Variants in RELN observed in about 807,000 individuals in gnomAD.
RELN encodes reelin.
RELN carries 108 observed loss-of-function variants against 427.6 expected under a neutral mutation model. That is an observed-to-expected ratio of 0.25 (90% confidence interval 0.22 to 0.30). The LOEUF is 0.30. Ranked by LOEUF, RELN falls within the 10% of genes least tolerant of loss-of-function variation. RELN has a pLI of 1.00. For missense variants in RELN, 3,715 were observed against 4,302.8 expected (o/e 0.86, Z 3.82); for synonymous variants, 1,524 against 1,513.4 (o/e 1.01, Z -0.16).
intron 1 of RELN, among the ~76,000 whole-genome samples, chr7:103,949,356 C>T (rs1236267389): frequency 1.3e-5 from 2 of 148,762 alleles, no homozygotes; most frequent in African/African-American, 5.0e-5. Context: ...TAGTCCCCAT[C>T]CAAATTTGGA....
intron 2 of RELN, among the ~76,000 whole-genome samples, chr7:103,881,990 A>G (rs1794618354): frequency 6.6e-6 from 1 of 152,190 alleles, no homozygotes. Flanking sequence ...GAATGAATCA[A>G]TCAATCAGTC....
At chr7:103,933,360 T>A (rs1294580141) in intron 1 of RELN, among the ~76,000 whole-genome samples, 1 of 152,084 alleles carries the variant, frequency 6.6e-6, no homozygotes, top group Non-Finnish European at 1.5e-5. Context: ...CATGAGCTAA[T>A]CAAACATGAG....
Position 103,491,982 on chromosome 7 carries a change from G to T in RELN, c.9414C>A (p.Ser3138=). ...CATCCTTAGTGTATTCCAGCATTACGGAATGAAGGTCACCACAAGAAGTGG... is the reference window on the plus strand; with the variant it reads ...CATCCTTAGTGTATTCCAGCATTACTGAATGAAGGTCACCACAAGAAGTGG... The part of the protein sequence containing the change: ...CEATSCGDLH[S]VMLEYTKDAR... Residue 3138 remains serine, a synonymous_variant, in exon 58 of 65, where the codon TCC becomes TCA. Coordinates refer to ENST00000428762, the MANE Select transcript of RELN (RefSeq NM_005045.4). 6.2e-7 allele frequency: 1 copy of T among 1,612,208 alleles called. No individual in the cohort carries two copies. Among genetic ancestry groups the T allele is most frequent in the African/African-American group, 1.3e-5 (1 of 74,750 alleles).
intron 7 of RELN, among the ~76,000 whole-genome samples, chr7:103,725,247 T>C (rs1016925523): frequency 1.3e-5 from 2 of 152,196 alleles, no homozygotes; most frequent in Admixed American, 1.3e-4. Flanking sequence ...CATTTTCAAA[T>C]ATGTGAGAAT....
chr7:103,873,158 G>T (rs1382820996), intron 2 of RELN, among the ~76,000 whole-genome samples: 11 of 149,640 alleles, frequency 7.4e-5, no homozygotes, highest in Admixed American at 2.0e-4. Flanking sequence ...TGAAACCAAC[G>T]AGAACAAAGA....
intron 2 of RELN, among the ~76,000 whole-genome samples, chr7:103,901,178 G>T (rs923741409): frequency 7.2e-5 from 11 of 151,876 alleles, no homozygotes; most frequent in African/African-American, 2.7e-4. Flanking sequence ...AATCATTAGG[G>T]AATTGAAAAT....
chr7:103,889,017 C>T (rs1169022695), intron 2 of RELN, among the ~76,000 whole-genome samples: 1 of 152,180 alleles, frequency 6.6e-6, no homozygotes, highest in Non-Finnish European at 1.5e-5. Context: ...AGGACTCATG[C>T]ACTGCAGCTC....
intron 3 of RELN, among the ~76,000 whole-genome samples, chr7:103,793,314 A>G (rs1255893329): frequency 6.6e-6 from 1 of 152,144 alleles, no homozygotes; most frequent in African/African-American, 2.4e-5. Context: ...CAAATCTACA[A>G]CTCTTACAAG....
chr7:103,539,066 C>A lies in RELN; in HGVS notation c.7180+12G>T. On this transcript the variant is annotated intron_variant, in intron 45 of 64. Coordinates refer to ENST00000428762, the MANE Select transcript of RELN (RefSeq NM_005045.4). ...ACATGCCTGTCCCTCTATCTGGAGA[C>A]GGCATACTCACCATAACAAGAGTCT... The A allele has an allele frequency of 6.2e-7, 1 of 1,613,694 alleles. No homozygotes were observed. Among genetic ancestry groups the A allele is most frequent in the East Asian group, 2.2e-5 (1 of 44,884 alleles).
At chr7:103,965,699 C>T (rs1466992892) in intron 1 of RELN, among the ~76,000 whole-genome samples, 2 of 152,166 alleles carry the variant, frequency 1.3e-5, no homozygotes, top group African/African-American at 4.8e-5. Flanking sequence ...CTGGTTGGAT[C>T]AATCCAATTC....
At chr7:103,479,250 A>G (rs1828144553) in intron 63 of RELN, among the ~76,000 whole-genome samples, 1 of 152,222 alleles carries the variant, frequency 6.6e-6, no homozygotes, top group Non-Finnish European at 1.5e-5. Context: ...ATTCTCTTTT[A>G]TCCTAAGAAG....
At chr7:103,523,202 T>A (rs1829748850) in intron 47 of RELN, among the ~76,000 whole-genome samples, 189 bp downstream of exon 47, 1 of 152,188 alleles carries the variant, frequency 6.6e-6, no homozygotes, top group African/African-American at 2.4e-5. Context: ...ATTGTTCAGT[T>A]CCTAATCTCT....
intron 4 of RELN, among the ~76,000 whole-genome samples, chr7:103,764,900 C>T (rs1409580971): frequency 1.4e-5 from 2 of 145,624 alleles, no homozygotes; most frequent in Non-Finnish European, 3.0e-5. Context: ...GTGGGAAGAA[C>T]AACTCATTAG....
intron 2 of RELN, among the ~76,000 whole-genome samples, chr7:103,866,516 G>A (rs186274089): frequency 6.6e-6 from 1 of 152,120 alleles, no homozygotes; most frequent in East Asian, 1.9e-4. Context: ...TTGTGCTCCT[G>A]ACATGATTTG....
chr7:103,913,876 C>T (rs1795423463), intron 2 of RELN, among the ~76,000 whole-genome samples: 1 of 152,062 alleles, frequency 6.6e-6, no homozygotes, highest in Admixed American at 6.6e-5. Flanking sequence ...ATTATCAGAA[C>T]TTAATAAAAT....
chr7:103,787,620 C>A (rs908322824), intron 3 of RELN, among the ~76,000 whole-genome samples: 3 of 152,100 alleles, frequency 2.0e-5, no homozygotes, highest in African/African-American at 4.8e-5. Context: ...TACACACTCC[C>A]AAGTCTAAAC....
chr7:103,701,829 C>CA (rs200572253), intron 8 of RELN, among the ~76,000 whole-genome samples: 3,220 of 150,452 alleles, frequency 0.021, 37 homozygotes, highest in Admixed American at 0.034. Context: ...TGAACCAAAA[C>CA]AAAAAAAAAT....
chr7:103,709,033 G>T (rs1427147570), intron 8 of RELN, among the ~76,000 whole-genome samples: 1 of 152,124 alleles, frequency 6.6e-6, no homozygotes, highest in African/African-American at 2.4e-5. Context: ...CAGAAGAGGA[G>T]CTCAATGAAC....
chr7:103,902,033 G>A (rs1795094149), intron 2 of RELN, among the ~76,000 whole-genome samples: 3 of 151,994 alleles, frequency 2.0e-5, no homozygotes, highest in Admixed American at 2.0e-4. Context: ...CAACAGCACA[G>A]TGTGGGGAAA....
Sources: allele counts gnomAD v4.1 joint callset (sites outside exome capture counted in the v4.1 genomes callset), GRCh38; gene constraint gnomAD v4.1.1; transcripts MANE v1.5; gene names NCBI Gene and HGNC (gene_info 2026-07-23, HGNC 2026-07-21).